Variants in AUTS2 observed in about 807,000 individuals in gnomAD.
AUTS2 encodes autism susceptibility gene 2 protein.
A neutral mutation model predicts 112.4 loss-of-function variants in AUTS2; 17 were observed. That is an observed-to-expected ratio of 0.15 (90% confidence interval 0.10 to 0.23). The LOEUF (loss-of-function observed/expected upper bound fraction) is 0.23. Ranked by LOEUF, AUTS2 falls within the 10% of genes least tolerant of loss-of-function variation. The probability of loss-of-function intolerance (pLI) is 1.00; values close to 1 mark genes in which losing one functional copy is unlikely to be tolerated. For missense variants in AUTS2, 1,510 were observed against 1,701.6 expected, an observed-to-expected ratio of 0.89 and a Z score of 1.98; for synonymous variants, 751 against 702.7, an observed-to-expected ratio of 1.07 and a Z score of -1.09.
intron 1 of AUTS2, among the ~76,000 whole-genome samples, chr7:69,892,476 C>T (rs1269789717): frequency 6.6e-6 from 1 of 152,122 alleles, no homozygotes; most frequent in Non-Finnish European, 1.5e-5. Context: ...ATTCTGTATA[C>T]AAAACTTATC....
At chr7:70,044,159 C>T (rs1801396788) in intron 2 of AUTS2, among the ~76,000 whole-genome samples, 1 of 152,168 alleles carries the variant, frequency 6.6e-6, no homozygotes, top group South Asian at 2.1e-4. Flanking sequence ...CCTCCTCCTG[C>T]CGCTGGAGAG....
chr7:70,073,098 T>C (rs1166509969), intron 2 of AUTS2, among the ~76,000 whole-genome samples: 6 of 122,548 alleles, frequency 4.9e-5, no homozygotes, highest in Non-Finnish European at 1.0e-4. Flanking sequence ...TCTCCTCTCC[T>C]TTTTTTTTTC....
intron 4 of AUTS2, among the ~76,000 whole-genome samples, chr7:70,337,975 T>C (rs1180355075): frequency 2.0e-5 from 3 of 152,254 alleles, no homozygotes; most frequent in African/African-American, 7.2e-5. Flanking sequence ...ATACTAATTT[T>C]ACAAAGACCA....
In AUTS2 at chr7:70,599,211, C is replaced by T. The variant is rs545234584; in HGVS notation, c.691-99358C>T. On this transcript the variant is annotated intron_variant, in intron 5 of 18. Coordinates refer to ENST00000342771, the MANE Select transcript of AUTS2 (RefSeq NM_015570.4). ...CAATAGAGCATATAAAAAAGAAACT[C>T]AGGTTGATCTTGGCCCCTGTCCAAG... 5.1e-4 allele frequency among the ~76,000 whole-genome samples: 78 copies of T among 152,350 alleles called. 1 individual carries two copies. Among genetic ancestry groups the T allele is most frequent in the African/African-American group, 1.8e-3 (74 of 41,584 alleles).
chr7:70,145,490 A>G (rs1224969371), intron 4 of AUTS2, among the ~76,000 whole-genome samples: 1 of 152,160 alleles, frequency 6.6e-6, no homozygotes, highest in Non-Finnish European at 1.5e-5. Context: ...AAGCAGTATT[A>G]TGTAAAAATA....
intron 5 of AUTS2, among the ~76,000 whole-genome samples, chr7:70,541,818 G>C (rs1330700626): frequency 6.6e-6 from 1 of 152,234 alleles, no homozygotes. Flanking sequence ...GTGATATTGT[G>C]AGAAGTTGGC....
chr7:70,268,207 C>T (rs1468024292), intron 4 of AUTS2, among the ~76,000 whole-genome samples: 1 of 152,128 alleles, frequency 6.6e-6, no homozygotes, highest in Non-Finnish European at 1.5e-5. Flanking sequence ...AGGGTTTAAT[C>T]CTCATATAGC....
intron 2 of AUTS2, among the ~76,000 whole-genome samples, chr7:70,008,136 CCTT>C (rs1438167070): frequency 5.9e-5 from 9 of 152,188 alleles, no homozygotes; most frequent in African/African-American, 7.2e-5. Context: ...AAACATGTCT[CCTT>C]CTGTTAACTT....
rs181515281 is a variant in AUTS2 at position 70,186,364 on chromosome 7, C to G, written c.660+51793C>G. ...ACTTTGGGAGGATTTGATAAAGTCTCTTTTCAGCTTAAGATAACATCATTT... is the reference window on the plus strand; with the variant it reads ...ACTTTGGGAGGATTTGATAAAGTCTGTTTTCAGCTTAAGATAACATCATTT... On this transcript the variant is annotated intron_variant, in intron 4 of 18. Coordinates refer to ENST00000342771, the MANE Select transcript of AUTS2 (RefSeq NM_015570.4). Among the ~76,000 whole-genome samples the G allele has an allele frequency of 5.1e-4, 77 of 152,012 alleles. 2 individuals are homozygous for G. The highest frequency in any genetic ancestry group is 3.4e-3 in the Middle Eastern group (1 of 294).
intron 1 of AUTS2, among the ~76,000 whole-genome samples, chr7:69,725,386 TC>T (rs1786460182): frequency 6.6e-6 from 1 of 152,168 alleles, no homozygotes; most frequent in Non-Finnish European, 1.5e-5. Flanking sequence ...TACCACATAG[TC>T]TATATGTGTT....
At chr7:70,045,100 T>C (rs1170340186) in intron 2 of AUTS2, among the ~76,000 whole-genome samples, 1 of 152,126 alleles carries the variant, frequency 6.6e-6, no homozygotes, top group Non-Finnish European at 1.5e-5. Context: ...ACAGTTAATG[T>C]TTTATCATCA....
At chr7:70,538,249 C>T (rs989263199) in intron 5 of AUTS2, among the ~76,000 whole-genome samples, 1 of 152,004 alleles carries the variant, frequency 6.6e-6, no homozygotes, top group Non-Finnish European at 1.5e-5. Flanking sequence ...AGAGAGAGTC[C>T]AGGCGTGGTG....
intron 6 of AUTS2, among the ~76,000 whole-genome samples, chr7:70,712,193 CTTTTTTTTTTTTT>C (rs67326941): frequency 0.015 from 658 of 45,192 alleles, 11 homozygotes; most frequent in African/African-American, 0.061. Flanking sequence ...GCCTGGCTCA[CTTTTTTTTTTTTT>C]TTTTTTTTTT....
chr7:70,150,678 C>A (rs138851603), intron 4 of AUTS2, among the ~76,000 whole-genome samples: 14 of 152,270 alleles, frequency 9.2e-5, no homozygotes, highest in African/African-American at 3.1e-4. Flanking sequence ...TTGATAAATT[C>A]AACAGACAGC....
chr7:70,619,282 T>G (rs1243156554), intron 5 of AUTS2, among the ~76,000 whole-genome samples: 2 of 152,186 alleles, frequency 1.3e-5, no homozygotes, highest in African/African-American at 2.4e-5. Context: ...CCACTGAGCT[T>G]TGTATCCTTC....
At chr7:70,582,715 T>C (rs1802508610) in intron 5 of AUTS2, among the ~76,000 whole-genome samples, 1 of 152,230 alleles carries the variant, frequency 6.6e-6, no homozygotes, top group Non-Finnish European at 1.5e-5. Context: ...TTAGAAAATG[T>C]GTCTGCTTTT....
intron 2 of AUTS2, among the ~76,000 whole-genome samples, chr7:69,998,873 G>A (rs1044155908): frequency 2.0e-5 from 3 of 152,132 alleles, no homozygotes; most frequent in African/African-American, 7.2e-5. Flanking sequence ...AGAAGATGAC[G>A]TTAAGCAAAT....
intron 5 of AUTS2, among the ~76,000 whole-genome samples, chr7:70,577,842 AT>A (rs1802241397): frequency 7.7e-6 from 1 of 129,548 alleles, no homozygotes; most frequent in African/African-American, 3.1e-5. Context: ...TTTTTTTTTT[AT>A]TTTTTGAGAT....
At chr7:70,079,186 A>T (rs1460604663) in intron 2 of AUTS2, among the ~76,000 whole-genome samples, 2 of 152,172 alleles carry the variant, frequency 1.3e-5, no homozygotes, top group African/African-American at 4.8e-5. Flanking sequence ...CCATCTGCCA[A>T]TGACAGTGAG....
Sources: gnomAD v4.1 joint callset for allele counts (sites outside exome capture counted in the v4.1 genomes callset) on GRCh38, gnomAD v4.1.1 for gene constraint, MANE v1.5 for transcripts, NCBI Gene and HGNC (gene_info 2026-07-23, HGNC 2026-07-21) for gene names.